Variants in ITGB8 observed in about 807,000 individuals in gnomAD.
The protein encoded by ITGB8 is integrin subunit beta 8.
ITGB8 carries 30 observed loss-of-function variants against 89.5 expected under a neutral mutation model. The observed-to-expected ratio is 0.34, with a 90% confidence interval of 0.25 to 0.45. The LOEUF is 0.45. ITGB8 is among the 20% of genes least tolerant of loss of function. The pLI is 1.00. For synonymous variants in ITGB8, 335 were observed against 320.4 expected (o/e 1.05, Z -0.49); for missense variants, 836 against 933.3 (o/e 0.90, Z 1.36).
At chr7:20,398,280 TCTTGGAGAGCCTTATAG>T (rs1284474742) in intron 8 of ITGB8, among the ~76,000 whole-genome samples, 3 of 152,204 alleles carry the variant, frequency 2.0e-5, no homozygotes, top group Non-Finnish European at 4.4e-5. Context: ...TCTAAGCCAT[TCTTGGAGAGCCTTATAG>T]AACTATATCT....
intron 12 of ITGB8, 88 bp downstream of exon 12, chr7:20,406,259 G>C: frequency 2.3e-6 from 2 of 875,390 alleles, no homozygotes; most frequent in Non-Finnish European, 3.8e-6. Flanking sequence ...CCATGCTAAA[G>C]AAAGGACTGG....
At chr7:20,375,731 A>G (rs982156207) in intron 3 of ITGB8, among the ~76,000 whole-genome samples, 1 of 152,246 alleles carries the variant, frequency 6.6e-6, no homozygotes, top group African/African-American at 2.4e-5. Context: ...TCATCTATTA[A>G]TATTCAATAC....
intron 10 of ITGB8, among the ~76,000 whole-genome samples, chr7:20,404,065 C>A: frequency 6.6e-6 from 1 of 152,202 alleles, no homozygotes; most frequent in Non-Finnish European, 1.5e-5. Flanking sequence ...GCTCTGCTAA[C>A]TTACTAAATA....
Position 20,406,084 on chromosome 7 carries a change from C to T in ITGB8, c.1936C>T (p.Pro646Ser), listed in dbSNP as rs570372889. ...ENWNCMQCLHPHNLSQAILDQ... is the reference protein window; with the variant it reads ...ENWNCMQCLHSHNLSQAILDQ... ...CAGGAATTGTATGCAATGCCTTCAC[C>T]CTCACAATTTGTCTCAGGCTATACT... Residue 646 changes from proline to serine, a missense_variant, in exon 12 of 14, where the codon CCT becomes TCT. By Grantham distance (74) the Pro-to-Ser change is moderately conservative (BLOSUM62 -1). Coordinates refer to ENST00000222573, the MANE Select transcript of ITGB8 (RefSeq NM_002214.3). The T allele has an allele frequency of 5.6e-6, 9 of 1,609,738 alleles. No homozygotes were observed. The East Asian group carries it at 1.6e-4, about 28-fold the overall frequency.
chr7:20,363,656 T>C lies in ITGB8; in HGVS notation c.147T>C (p.Ser49=), dbSNP rs1785586032. 1.9e-6 allele frequency: 3 copies of C among 1,601,938 alleles called. No homozygotes were observed. The highest frequency in any genetic ancestry group is 2.6e-6 in the Non-Finnish European group (3 of 1,175,702). Residue 49 remains serine (S), a synonymous_variant, in exon 2 of 14, where the codon TCT becomes TCC. Coordinates refer to ENST00000222573, the MANE Select transcript of ITGB8 (RefSeq NM_002214.3). The part of the protein sequence containing the change: ...LGQGEDNRCA[S]SNAASCARCL... ...TTGCAGAAGACAATAGATGTGCATC[T>C]TCAAATGCAGCATCCTGTGCCAGGT...
At position 20,401,880 on chromosome 7, in the gene ITGB8, T is replaced by C. The variant is rs780276717; in HGVS notation, c.1441T>C (p.Cys481Arg). 7 of 1,613,994 alleles carry C rather than the reference T, an allele frequency of 4.3e-6. No homozygotes were observed. The Admixed American group carries it at 1.2e-4, about 27-fold the overall frequency. ...CEDNRGPKGK[C>R]VDETFLDSKC... ...GGACAACAGAGGACCTAAAGGAAAG[T>C]GTGTAGATGAAACTTTTCTAGATTC... Residue 481 changes from cysteine to arginine, a missense_variant, in exon 10 of 14, where the codon TGT (cysteine) becomes CGT (arginine). By Grantham distance (180) the Cys-to-Arg change is radical (BLOSUM62 -3). Coordinates refer to ENST00000222573, the MANE Select transcript of ITGB8 (RefSeq NM_002214.3).
chr7:20,331,691 C>T lies in ITGB8; in HGVS notation c.-116C>T, dbSNP rs879251273. On this transcript the variant is annotated 5_prime_UTR_variant, in exon 1 of 14. Transcript: ENST00000222573. ...GAGCCGCGGGGTCCGCCTGCTAGGC[C>T]TGCGGAAAACGTCCTAGCGACACTC... 41 of 1,285,074 alleles carry T rather than the reference C, an allele frequency of 3.2e-5. No homozygotes were observed. In the South Asian group the frequency reaches 4.9e-4, roughly 15 times the overall value. The allele number at this position is 1,285,074 out of a possible 1,614,324, so 79.6% of individuals were successfully genotyped here. A position where few individuals can be genotyped will look rare whatever the true frequency, so the allele number is the denominator to read the frequency against.
At chr7:20,368,179 C>G (rs369993244) in intron 3 of ITGB8, among the ~76,000 whole-genome samples, 3 of 152,156 alleles carry the variant, frequency 2.0e-5, no homozygotes, top group East Asian at 3.8e-4. Flanking sequence ...GTGCTCTTTC[C>G]CATATTAAAT....
Position 20,414,990 on chromosome 7 carries a change from A to T in ITGB8, c.*4993A>T, listed in dbSNP as rs533161512. On this transcript the variant is annotated 3_prime_UTR_variant, in exon 14 of 14. Coordinates refer to ENST00000222573, the MANE Select transcript of ITGB8 (RefSeq NM_002214.3). ...AAATTGTCTAATACAGCAATATTTA[A>T]AAAAAAAACACTGCAATTGTCAAGG... The T allele has an allele frequency of 0.13, 2,981 of 23,618 alleles. 46 individuals are homozygous for T. The highest frequency in any genetic ancestry group is 0.5 in the East Asian group (2 of 4). 1.5% of individuals were successfully genotyped at this position (23,618 alleles called of 1,614,324 possible). A position where few individuals can be genotyped will look rare whatever the true frequency, so the allele number is the denominator to read the frequency against.
rs542931235 is a variant in ITGB8, at chr7:20,331,749, G to T, written c.-58G>T. ...GGGCCCCGAGGTGCGCCCGGGAGGC[G>T]CGAGCCCGCGTCCGGAAGGCAGTCA... On this transcript the variant is annotated 5_prime_UTR_variant, in exon 1 of 14. Coordinates refer to ENST00000222573, the MANE Select transcript of ITGB8 (RefSeq NM_002214.3). 44 of 1,554,950 alleles carry T rather than the reference G, an allele frequency of 2.8e-5. No homozygotes were observed. Among genetic ancestry groups the T allele is most frequent in the Admixed American group, 7.7e-5 (4 of 51,924 alleles).
chr7:20,364,164 A>G (rs770969910), intron 2 of ITGB8, among the ~76,000 whole-genome samples: 2 of 152,212 alleles, frequency 1.3e-5, no homozygotes, highest in Non-Finnish European at 2.9e-5. Flanking sequence ...AATGCATTCC[A>G]TCTTTCTTGG....
intron 7 of ITGB8, among the ~76,000 whole-genome samples, chr7:20,392,603 G>A (rs1786907593): frequency 6.7e-6 from 1 of 150,094 alleles, no homozygotes; most frequent in Admixed American, 6.6e-5. Context: ...TGAAGTCAGG[G>A]CTTTCAGGGT....
intron 3 of ITGB8, among the ~76,000 whole-genome samples, chr7:20,370,669 G>T (rs1785898170): frequency 6.6e-6 from 1 of 151,398 alleles, no homozygotes; most frequent in African/African-American, 2.4e-5. Flanking sequence ...GGAATACAGT[G>T]GTGCGATCTC....
In ITGB8 at chr7:20,380,816, G is replaced by A; in HGVS notation, c.786G>A (p.Gln262=). The A allele has an allele frequency of 6.2e-7, 1 of 1,612,464 alleles. No homozygotes were observed. Among genetic ancestry groups the A allele is most frequent in the South Asian group, 1.1e-5 (1 of 90,824 alleles). ...TPEGGFDAML[Q]AAVCESHIGW... is the part of the protein sequence containing the mutation. ...AAGGAGGTTTTGACGCCATGCTTCA[G>A]GCAGCTGTCTGTGAAGTAAGACGTT... The change falls in exon 5 of 14, where the codon CAG becomes CAA. Residue 262 remains glutamine, a synonymous_variant. Transcript: ENST00000222573.
rs367611241 is a variant in ITGB8, at chr7:20,404,578, A to G, written c.1688-50A>G. The G allele has an allele frequency of 3.5e-5, 53 of 1,509,272 alleles. No individual in the cohort carries two copies. The African/African-American group carries it at 7.0e-4, about 20-fold the overall frequency. The allele number at this position is 1,509,272 out of a possible 1,614,324, so 93.5% of individuals were successfully genotyped here. A position where few individuals can be genotyped will look rare whatever the true frequency, so the allele number is the denominator to read the frequency against. Reference sequence around the variant, plus strand: ...AGGAATCCATGGTTGAAAACTCTTTACAAAGTCAGTGATCCAGATAACATA... The same window carrying G: ...AGGAATCCATGGTTGAAAACTCTTTGCAAAGTCAGTGATCCAGATAACATA... On this transcript the variant is annotated intron_variant, in intron 10 of 13. Transcript: ENST00000222573.
chr7:20,388,008 A>C lies in ITGB8; in HGVS notation c.961-3395A>C, dbSNP rs148506340. Among the ~76,000 whole-genome samples the C allele has an allele frequency of 1.6e-4, 24 of 152,314 alleles. No individual in the cohort carries two copies. The East Asian group carries it at 2.9e-3, about 18-fold the overall frequency. ...CTATAAATTCTATATTCTATTATAA[A>C]AATTTATATTATGGATCTCACTTGT... is the stretch of plus-strand genomic sequence containing the variant. On this transcript the variant is annotated intron_variant, in intron 6 of 13. Coordinates refer to ENST00000222573, the MANE Select transcript of ITGB8 (RefSeq NM_002214.3).
intron 7 of ITGB8, among the ~76,000 whole-genome samples, chr7:20,391,820 C>A (rs1447767005): frequency 6.6e-6 from 1 of 152,152 alleles, no homozygotes; most frequent in Non-Finnish European, 1.5e-5. Flanking sequence ...GTTCACAATC[C>A]GTCTTTGCAT....
intron 1 of ITGB8, among the ~76,000 whole-genome samples, chr7:20,354,646 G>A (rs1029001610): frequency 6.6e-5 from 10 of 152,162 alleles, no homozygotes; most frequent in Non-Finnish European, 1.5e-4. Context: ...GTTCCCTCAA[G>A]TCTGAATATG....
intron 1 of ITGB8, chr7:20,346,493 T>A (rs1784927923): frequency 6.5e-6 from 1 of 153,224 alleles, no homozygotes; most frequent in South Asian, 2.1e-4. Context: ...TAAACAGGGA[T>A]AAGTGAGATT....
Sources: allele counts gnomAD v4.1 joint callset (sites outside exome capture counted in the v4.1 genomes callset), GRCh38; gene constraint gnomAD v4.1.1; transcripts MANE v1.5; gene names NCBI Gene and HGNC (gene_info 2026-07-23, HGNC 2026-07-21).